LEMD3: variants seen among roughly 807,000 people sequenced by gnomAD.
The protein encoded by LEMD3 is inner nuclear membrane protein Man1.
LEMD3 carries 33 observed loss-of-function variants against 95.2 expected under a neutral mutation model. That is an observed-to-expected ratio of 0.35 (90% CI 0.26 to 0.46). The LOEUF (loss-of-function observed/expected upper bound fraction) is 0.46, where lower values mean the gene tolerates loss of function less well. Among genes scored for constraint, LEMD3 ranks in the 20% least tolerant of loss-of-function variants. The pLI is 1.00. For synonymous variants in LEMD3, 525 were observed against 474.6 expected, an observed-to-expected ratio of 1.11 and a Z score of -1.38; for missense variants, 1,210 against 1,192.8, an observed-to-expected ratio of 1.01 and a Z score of -0.21.
chr12:65,212,227 G>A (rs1047472080), intron 2 of LEMD3, among the ~76,000 whole-genome samples: 7 of 152,100 alleles, frequency 4.6e-5, no homozygotes, highest in Admixed American at 6.5e-5. Flanking sequence ...CCCCATGCAT[G>A]ATTCAATTAC....
chr12:65,205,887 C>A (rs1869744872), intron 1 of LEMD3, among the ~76,000 whole-genome samples: 1 of 151,882 alleles, frequency 6.6e-6, no homozygotes, highest in African/African-American at 2.4e-5. Context: ...TATGTAATCT[C>A]AATATTCATA....
intron 1 of LEMD3, among the ~76,000 whole-genome samples, chr12:65,185,494 A>T (rs895462264): frequency 6.6e-6 from 1 of 152,020 alleles, no homozygotes; most frequent in Non-Finnish European, 1.5e-5. Context: ...GTATTTCAAT[A>T]CTGCTGTGAT....
chr12:65,244,105 C>G (rs755182606), intron 10 of LEMD3, among the ~76,000 whole-genome samples: 10 of 152,134 alleles, frequency 6.6e-5, no homozygotes, highest in Non-Finnish European at 8.8e-5. Flanking sequence ...TAGTACAGAT[C>G]AAATTCTGTT....
At chr12:65,235,824 T>C (rs1217227031) in intron 4 of LEMD3, among the ~76,000 whole-genome samples, 1 of 152,162 alleles carries the variant, frequency 6.6e-6, no homozygotes, top group African/African-American at 2.4e-5. Flanking sequence ...ATCATGATTA[T>C]TTCTAAGTTC....
rs529560122 is a variant in LEMD3, at chr12:65,228,390, A to G, written c.1695+9771A>G. ...TTTATTATTATTATTGTTATTATTTATTTATTTATTTATTTTTTTTTTTGA... is the reference window on the plus strand; with the variant it reads ...TTTATTATTATTATTGTTATTATTTGTTTATTTATTTATTTTTTTTTTTGA... On this transcript the variant is annotated intron_variant, in intron 4 of 12. Coordinates refer to ENST00000308330, the MANE Select transcript of LEMD3 (RefSeq NM_014319.5). 2.5e-4 allele frequency among the ~76,000 whole-genome samples: 37 copies of G among 148,342 alleles called. No homozygotes were observed. In the South Asian group the frequency reaches 5.3e-3, roughly 21 times the overall value.
At chr12:65,232,135 TA>T (rs1158019924) in intron 4 of LEMD3, among the ~76,000 whole-genome samples, 1 of 152,186 alleles carries the variant, frequency 6.6e-6, no homozygotes, top group Non-Finnish European at 1.5e-5. Flanking sequence ...ATTCCCAATT[TA>T]AAATGACTGC....
intron 2 of LEMD3, among the ~76,000 whole-genome samples, chr12:65,212,105 C>A (rs965224120): frequency 6.6e-6 from 1 of 151,992 alleles, no homozygotes. Context: ...TCATGTCTTA[C>A]CTGGTGGCAG....
intron 4 of LEMD3, among the ~76,000 whole-genome samples, chr12:65,231,905 C>G (rs528339634): frequency 6.6e-6 from 1 of 151,596 alleles, no homozygotes; most frequent in Admixed American, 6.6e-5. Flanking sequence ...TTTCAAAAAC[C>G]GTTGAATGAT....
At chr12:65,227,854 TA>T (rs1157029026) in intron 4 of LEMD3, among the ~76,000 whole-genome samples, 1 of 149,194 alleles carries the variant, frequency 6.7e-6, no homozygotes, top group African/African-American at 2.5e-5. Flanking sequence ...GTTTAGGGTA[TA>T]ATAAGGAAAA....
chr12:65,175,201 A>G (rs538043448), intron 1 of LEMD3, among the ~76,000 whole-genome samples: 1 of 152,220 alleles, frequency 6.6e-6, no homozygotes, highest in East Asian at 1.9e-4. Context: ...TTTAAGTGAT[A>G]TTATAGCATA....
intron 3 of LEMD3, 25 bp from the exon 4 acceptor site, chr12:65,218,527 A>T (rs368345942): frequency 3.9e-6 from 6 of 1,525,614 alleles, no homozygotes; most frequent in Non-Finnish European, 5.4e-6. Flanking sequence ...CTGATTCAAA[A>T]TTAATAATAT....
chr12:65,196,649 G>A (rs1012291496), intron 1 of LEMD3, among the ~76,000 whole-genome samples: 1 of 152,036 alleles, frequency 6.6e-6, no homozygotes, highest in African/African-American at 2.4e-5. Context: ...TATAGTCTCT[G>A]TCATGACTTA....
At chr12:65,200,892 C>A (rs937028170) in intron 1 of LEMD3, among the ~76,000 whole-genome samples, 1 of 152,058 alleles carries the variant, frequency 6.6e-6, no homozygotes, top group African/African-American at 2.4e-5. Flanking sequence ...CCTGGGTCAT[C>A]TAGATTCTCT....
chr12:65,209,530 TAA>T (rs1455622104), intron 1 of LEMD3, among the ~76,000 whole-genome samples: 1 of 152,122 alleles, frequency 6.6e-6, no homozygotes, highest in African/African-American at 2.4e-5. Flanking sequence ...TTAATATTAT[TAA>T]AAAGGGTATC....
chr12:65,245,040 G>GT (rs1282808627), intron 10 of LEMD3, among the ~76,000 whole-genome samples: 2 of 151,912 alleles, frequency 1.3e-5, no homozygotes, highest in Admixed American at 6.6e-5. Context: ...AGAAATTACT[G>GT]TAAGTACACA....
chr12:65,238,720 G>A lies in LEMD3; in HGVS notation c.1827G>A (p.Gln609=), dbSNP rs774767140. Residue 609 remains glutamine (Q), a synonymous_variant, in exon 6 of 13, where the codon CAG becomes CAA. Transcript: ENST00000308330. ...EEELTNITDV[Q]FLQSTRPLMS... is the part of the protein sequence containing the mutation. The stretch of plus-strand genomic sequence containing the variant: ...AATTGACAAATATAACTGATGTGCA[G>A]TTTTTACAGTCCACAAGACCACTGA... The A allele has an allele frequency of 2.5e-6, 4 of 1,614,036 alleles. No individual in the cohort carries two copies. The Admixed American group carries it at 6.7e-5, about 27-fold the overall frequency.
chr12:65,223,456 A>G (rs1182711662), intron 4 of LEMD3, among the ~76,000 whole-genome samples: 2 of 151,976 alleles, frequency 1.3e-5, no homozygotes, highest in African/African-American at 2.4e-5. Flanking sequence ...GACACATGCC[A>G]CCACACCCGG....
rs767085294 is a variant in LEMD3 at position 65,169,808 on chromosome 12, C to T, written c.212C>T (p.Thr71Met). The part of the protein sequence containing the change: ...NKTRNSNNNN[T>M]AAATVAAAGP... ...ACGCGGAACAGTAATAACAATAACA[C>T]GGCAGCCGCCACGGTCGCAGCCGCG... Residue 71 changes from threonine (T) to methionine (M), a missense_variant, in exon 1 of 13, where the codon ACG becomes ATG. Thr to Met is a moderately conservative substitution (Grantham distance 81, BLOSUM62 -1). Coordinates refer to ENST00000308330, the MANE Select transcript of LEMD3 (RefSeq NM_014319.5). 3.3e-6 allele frequency: 5 copies of T among 1,505,054 alleles called. No homozygotes were observed. The highest frequency in any genetic ancestry group is 2.5e-5 in the East Asian group (1 of 40,448). The allele number at this position is 1,505,054 out of a possible 1,614,324, so 93.2% of individuals were successfully genotyped here. A position where few individuals can be genotyped will look rare whatever the true frequency, so the allele number is the denominator to read the frequency against.
chr12:65,213,904 CA>C (rs1358977410), intron 2 of LEMD3, among the ~76,000 whole-genome samples: 1 of 152,130 alleles, frequency 6.6e-6, no homozygotes, highest in East Asian at 1.9e-4. Flanking sequence ...GCTTTAATCC[CA>C]AAACTTAACT....
Sources: allele counts gnomAD v4.1 joint callset (sites outside exome capture counted in the v4.1 genomes callset), GRCh38; gene constraint gnomAD v4.1.1; transcripts MANE v1.5; gene names NCBI Gene and HGNC (gene_info 2026-07-23, HGNC 2026-07-21).